The following PCID2 variants were observed in gnomAD, a reference collection of about 807,000 sequenced individuals.
PCID2 encodes PCI domain containing 2.
In PCID2, 41 loss-of-function variants were observed where a neutral mutation model predicts 61.3. The ratio of observed to expected loss-of-function variants is 0.67; its 90% CI spans 0.52 to 0.87. The LOEUF is 0.87. PCID2 is among the 40% of genes least tolerant of loss of function. The probability of loss-of-function intolerance (pLI) is 0.00; values close to 1 mark genes in which losing one functional copy is unlikely to be tolerated. For missense variants in PCID2, 392 were observed against 493.4 expected, an observed-to-expected ratio of 0.79 and a Z score of 1.95; for synonymous variants, 187 against 177.8, an observed-to-expected ratio of 1.05 and a Z score of -0.41.
At chr13:113,189,352 G>A (rs1268166211) in intron 7 of PCID2, among the ~76,000 whole-genome samples, 1 of 151,752 alleles carries the variant, frequency 6.6e-6, no homozygotes, top group African/African-American at 2.4e-5. Flanking sequence ...ACATTCCCCA[G>A]CCTCAGGTAT....
chr13:113,198,111 C>T (rs546686), intron 3 of PCID2, 80 bp downstream of exon 3: 934,166 of 953,194 alleles, frequency 0.98, 459,908 homozygotes, highest in East Asian at 1. Context: ...GCTTCAAGCA[C>T]AAGATAATGC....
At position 113,179,124 on chromosome 13, in the gene PCID2, C is replaced by T. The variant is rs377674276; in HGVS notation, c.987-35G>A. 136 of 1,599,128 alleles carry T rather than the reference C, an allele frequency of 8.5e-5. 2 individuals are homozygous for T. The South Asian group carries it at 1.4e-3, about 16-fold the overall frequency. ...GGGAGGAGAAGGGCACTGTGGTTAC[C>T]GACAGGATGCAATACTCCACAGCCA... On this transcript the variant is annotated intron_variant, in intron 12 of 13. Transcript: ENST00000337344. The surrounding 1 kb of genome is among the most constrained non-coding windows in gnomAD (Gnocchi z 4.3).
the PCID2 span, chr13:113,171,674 G>A: frequency 1.2e-6 from 2 of 1,614,034 alleles, no homozygotes; most frequent in Non-Finnish European, 1.7e-6. This position sits in a 1 kb window ranked among gnomAD's most constrained non-coding sequence, Gnocchi z 5.1. Flanking sequence ...CGCGGACGCG[G>A]GGGAGAATGA....
intron 2 of PCID2, among the ~76,000 whole-genome samples, chr13:113,199,615 C>T (rs1240407901): frequency 6.6e-6 from 1 of 152,102 alleles, no homozygotes; most frequent in East Asian, 1.9e-4. Flanking sequence ...AGTGTGTGTC[C>T]TCTCATGTCA....
intron 7 of PCID2, among the ~76,000 whole-genome samples, chr13:113,189,564 T>A (rs1442761581): frequency 2.6e-5 from 4 of 152,180 alleles, no homozygotes; most frequent in Non-Finnish European, 2.9e-5. Context: ...TAAATGTGAT[T>A]ATATAATTGG....
At chr13:113,173,290 C>A (rs920779946), downstream of PCID2, among the ~76,000 whole-genome samples, 1 of 152,218 alleles carries the variant, frequency 6.6e-6, no homozygotes, top group Middle Eastern at 3.2e-3. Flanking sequence ...GAGCTGCAGT[C>A]CAGCCCCCAG....
intron 1 of PCID2, 193 bp downstream of exon 1, chr13:113,208,406 G>C (rs1217916997): frequency 6.8e-7 from 1 of 1,478,048 alleles, no homozygotes; most frequent in Admixed American, 2.2e-5. Flanking sequence ...CGGCCCTGCA[G>C]GGGAGAACTC....
the PCID2 span, chr13:113,171,559 G>C: frequency 1.2e-6 from 2 of 1,613,572 alleles, no homozygotes; most frequent in Non-Finnish European, 1.7e-6. This position sits in a 1 kb window ranked among gnomAD's most constrained non-coding sequence, Gnocchi z 5.1. Flanking sequence ...TTGAAAATCA[G>C]ACTGTAAAGA....
At chr13:113,190,532 G>T (rs1432734353) in intron 7 of PCID2, among the ~76,000 whole-genome samples, 1 of 152,148 alleles carries the variant, frequency 6.6e-6, no homozygotes, top group East Asian at 1.9e-4. Context: ...TCAGAAAAAT[G>T]AAAGCTTAAA....
chr13:113,166,360 G>A, the PCID2 span: 4 of 152,136 alleles, frequency 2.6e-5, no homozygotes, highest in African/African-American at 7.2e-5. Flanking sequence ...TGCAGCCCTC[G>A]TGTCCACAAT....
the PCID2 span, chr13:113,170,620 T>C: frequency 1.2e-6 from 1 of 834,994 alleles, no homozygotes; most frequent in South Asian, 1.4e-5. Context: ...AACTGGACTG[T>C]TTCTAATGCA....
chr13:113,171,759 A>C, the PCID2 span: 1 of 1,612,014 alleles, frequency 6.2e-7, no homozygotes, highest in African/African-American at 1.3e-5. The surrounding 1 kb of genome is among the most constrained non-coding windows in gnomAD (Gnocchi z 5.1). Context: ...CCTGAGAAAG[A>C]CTTCGCTGAG....
At position 113,208,596 on chromosome 13, in the gene PCID2, C is replaced by CA. The variant is rs1566998413; in HGVS notation, c.36+2dup. ...CGCCGCGCGCTCCCCGGCTAGGACC[C>CA]ACCTGCTGCAGGTACTGGTTAATGG... On this transcript the variant is annotated splice_region_variant and intron_variant, in intron 1 of 13. Transcript: ENST00000337344. 5 of 1,605,818 alleles carry CA rather than the reference C, an allele frequency of 3.1e-6. No individual in the cohort carries two copies. The highest frequency in any genetic ancestry group is 4.2e-6 in the Non-Finnish European group (5 of 1,176,752).
the PCID2 span, chr13:113,165,116 G>A: frequency 6.2e-7 from 1 of 1,611,532 alleles, no homozygotes. Context: ...GACCTCCCGT[G>A]GCAGGTAACA....
At chr13:113,200,703 T>C (rs1161662797) in intron 1 of PCID2, 187 bp from the exon 2 acceptor site, 3 of 427,202 alleles carry the variant, frequency 7.0e-6, no homozygotes, top group East Asian at 4.4e-5. Context: ...TTTCTTTTTT[T>C]TTTTTTTTTT....
At chr13:113,198,634 G>A (rs1025999586) in intron 2 of PCID2, among the ~76,000 whole-genome samples, 1 of 152,208 alleles carries the variant, frequency 6.6e-6, no homozygotes, top group Non-Finnish European at 1.5e-5. Flanking sequence ...GAACATGGGT[G>A]GGGGAGGTTG....
At chr13:113,196,264 T>C (rs1330739922) in intron 4 of PCID2, 42 bp from the exon 5 acceptor site, 2 of 1,417,410 alleles carry the variant, frequency 1.4e-6, no homozygotes, top group African/African-American at 1.4e-5. Flanking sequence ...GTTCAAATAA[T>C]GCTACGTACG....
intron 2 of PCID2, among the ~76,000 whole-genome samples, chr13:113,200,005 C>T (rs1360063246): frequency 3.3e-5 from 5 of 152,224 alleles, no homozygotes; most frequent in Admixed American, 1.3e-4. Context: ...ACATCATCTA[C>T]GCCACAGATG....
At chr13:113,181,292 C>A in intron 9 of PCID2, 62 bp from the exon 10 acceptor site, 1 of 977,798 alleles carries the variant, frequency 1.0e-6, no homozygotes, top group Non-Finnish European at 1.6e-6. Flanking sequence ...CCCCTTCCTG[C>A]TCCATTTTCT....
Sources: allele counts gnomAD v4.1 joint callset (sites outside exome capture counted in the v4.1 genomes callset), GRCh38; gene constraint gnomAD v4.1.1; non-coding constraint Gnocchi (gnomAD v3.1); transcripts MANE v1.5; gene names NCBI Gene and HGNC (gene_info 2026-07-23, HGNC 2026-07-21).